Variants in PANK1 observed in about 807,000 individuals in gnomAD.
PANK1 encodes pantothenic acid kinase 1.
Under a neutral mutation model 40.1 loss-of-function variants are expected in PANK1, and 18 were observed. The ratio of observed to expected loss-of-function variants is 0.45; its 90% CI spans 0.31 to 0.67. PANK1 has a LOEUF of 0.67. Among genes scored for constraint, PANK1 ranks in the 30% least tolerant of loss-of-function variants. PANK1 has a pLI of 0.06. For missense variants in PANK1, 457 were observed against 599.6 expected (o/e 0.76, Z 2.48); for synonymous variants, 242 against 237.7 (o/e 1.02, Z -0.17).
chr10:89,612,182 A>G, intron 1 of PANK1, 134 bp from the exon 2 acceptor site: 2 of 793,148 alleles, frequency 2.5e-6, no homozygotes, highest in Non-Finnish European at 3.9e-6. Context: ...TTTGAATTCA[A>G]CTATATGTGC....
chr10:89,644,176 G>T (rs758322547), intron 1 of PANK1, among the ~76,000 whole-genome samples: 5 of 152,074 alleles, frequency 3.3e-5, no homozygotes, highest in African/African-American at 4.8e-5. Context: ...ACCCCAGTAG[G>T]ACGCGCTCAG....
chr10:89,644,698 G>A lies in PANK1; in HGVS notation c.194C>T (p.Pro65Leu), dbSNP rs1041916435. 5 of 1,544,936 alleles carry A rather than the reference G, an allele frequency of 3.2e-6. No individual in the cohort carries two copies. In the African/African-American group the frequency reaches 4.2e-5, roughly 13 times the overall value. The change falls in exon 1 of 7, where the codon CCG becomes CTG. Residue 65 changes from proline (P) to leucine (L), a missense_variant. Physicochemically the swap from Pro to Leu is moderately conservative, Grantham distance 98. Around this residue, in one of 4 missense-constraint regions of PANK1, gnomAD observed 144 missense variants for 131.2 expected, o/e 1.10. Transcript: ENST00000307534. The stretch of plus-strand genomic sequence containing the variant: ...GAGCAGTGGCTGCGGCTGCAGCTCC[G>A]GCAGGAGCGGGAGGCGCTGGGGCGC... ...DAAPQRLPLL[P>L]ELQPQPLLPQ...
At chr10:89,584,494 C>A (rs1844132768) in intron 6 of PANK1, 29 bp from the exon 7 acceptor site, 2 of 1,493,206 alleles carry the variant, frequency 1.3e-6, no homozygotes, top group Non-Finnish European at 1.9e-6. Context: ...ACGATGATCT[C>A]TGAACCTTAG....
downstream of PANK1, chr10:89,580,935 C>A (rs1844040396): frequency 6.6e-6 from 1 of 152,248 alleles, no homozygotes; most frequent in Non-Finnish European, 1.5e-5. Flanking sequence ...AGATATTCCT[C>A]CCCTTCTCAT....
chr10:89,645,212 C>T lies in PANK1; in HGVS notation c.-321G>A, dbSNP rs780279207. 4 of 1,598,478 alleles carry T rather than the reference C, an allele frequency of 2.5e-6. No homozygotes were observed. In the South Asian group the frequency reaches 3.3e-5, roughly 13 times the overall value. On this transcript the variant is annotated 5_prime_UTR_variant, in exon 1 of 7. Transcript: ENST00000307534. The stretch of plus-strand genomic sequence containing the variant: ...TTCCCCTGATCCCCAGGCCGCGCGA[C>T]TTCAAACGCGGCTTCCTCGCCTCCC...
intron 2 of PANK1, among the ~76,000 whole-genome samples, chr10:89,609,356 C>T (rs894671793): frequency 2.0e-5 from 3 of 152,188 alleles, no homozygotes; most frequent in African/African-American, 7.2e-5. Flanking sequence ...GAGCCACTTT[C>T]GCCTGACTCT....
intron 3 of PANK1, among the ~76,000 whole-genome samples, chr10:89,594,621 T>C (rs1321523738): frequency 6.6e-6 from 1 of 152,174 alleles, no homozygotes; most frequent in African/African-American, 2.4e-5. Context: ...TTTTTCCTAG[T>C]AGACTCTCCA....
At chr10:89,590,549 T>G (rs74146980) in intron 5 of PANK1, among the ~76,000 whole-genome samples, 8,598 of 152,230 alleles carry the variant, frequency 0.056, 300 homozygotes, top group South Asian at 0.13. Flanking sequence ...TTCTAGGAAT[T>G]TATCCTATTG....
At chr10:89,609,123 G>A (rs1282335787) in intron 2 of PANK1, among the ~76,000 whole-genome samples, 1 of 152,162 alleles carries the variant, frequency 6.6e-6, no homozygotes, top group African/African-American at 2.4e-5. Context: ...GGAGTGCAAT[G>A]GCACGATCTC....
intron 2 of PANK1, among the ~76,000 whole-genome samples, chr10:89,600,090 G>A (rs1410226465): frequency 6.6e-6 from 1 of 152,138 alleles, no homozygotes; most frequent in Admixed American, 6.5e-5. Flanking sequence ...AAGGAAGTAC[G>A]GTCCTGCTAA....
intron 1 of PANK1, among the ~76,000 whole-genome samples, chr10:89,618,947 C>T (rs1589798438): frequency 2.0e-5 from 3 of 152,292 alleles, no homozygotes; most frequent in Non-Finnish European, 4.4e-5. Context: ...TTATTTGTTA[C>T]TACAGAATAA....
intron 2 of PANK1, 83 bp downstream of exon 2, chr10:89,611,613 T>C: frequency 1.0e-6 from 1 of 970,194 alleles, no homozygotes; most frequent in Non-Finnish European, 1.5e-6. Flanking sequence ...CCAAGGCTAG[T>C]AGTATGGTTC....
At chr10:89,587,717 C>T (rs1844245544) in intron 6 of PANK1, among the ~76,000 whole-genome samples, 1 of 152,156 alleles carries the variant, frequency 6.6e-6, no homozygotes, top group Admixed American at 6.5e-5. Context: ...CACATTTACA[C>T]ATTTTAAGGT....
chr10:89,612,573 T>C (rs1845192934), intron 1 of PANK1, among the ~76,000 whole-genome samples: 1 of 152,248 alleles, frequency 6.6e-6, no homozygotes, highest in African/African-American at 2.4e-5. Flanking sequence ...TTTTGCTTTA[T>C]GAACTGACTT....
intron 5 of PANK1, 144 bp downstream of exon 5, chr10:89,593,053 C>G (rs886947487): frequency 1.3e-6 from 1 of 780,310 alleles, no homozygotes; most frequent in East Asian, 2.5e-5. Flanking sequence ...CCAACACACA[C>G]CCCTCCTGTT....
intron 1 of PANK1, among the ~76,000 whole-genome samples, chr10:89,636,717 C>T (rs1395617135): frequency 1.3e-5 from 2 of 151,630 alleles, no homozygotes; most frequent in Non-Finnish European, 1.5e-5. Context: ...TCCCAAAGTG[C>T]TGGGATTACA....
chr10:89,614,437 C>T (rs554621099), intron 1 of PANK1, among the ~76,000 whole-genome samples: 225 of 152,178 alleles, frequency 1.5e-3, no homozygotes, highest in Non-Finnish European at 2.6e-3. Context: ...AGATGAGTGC[C>T]CTTTAACAGG....
chr10:89,590,913 C>CCCTTG (rs1261563234), intron 5 of PANK1, among the ~76,000 whole-genome samples: 1 of 151,806 alleles, frequency 6.6e-6, no homozygotes, highest in Admixed American at 6.6e-5. Flanking sequence ...GGAGAGAGGA[C>CCCTTG]CAGAGGGAGG....
chr10:89,590,388 G>GA (rs145752231), intron 5 of PANK1, among the ~76,000 whole-genome samples: 5,260 of 151,994 alleles, frequency 0.035, 285 homozygotes, highest in African/African-American at 0.12. Flanking sequence ...CTATTACATT[G>GA]AAAAAAATCA....
Sources: gnomAD v4.1 joint callset for allele counts (sites outside exome capture counted in the v4.1 genomes callset) on GRCh38, gnomAD v4.1.1 for gene constraint, gnomAD v4.1.1 regional missense constraint, MANE v1.5 for transcripts, NCBI Gene and HGNC (gene_info 2026-07-23, HGNC 2026-07-21) for gene names.